The following ENAH variants were observed in gnomAD, a reference collection of about 807,000 sequenced individuals.
ENAH encodes ENAH actin regulator, also known as protein enabled homolog.
Under a neutral mutation model 78.7 loss-of-function variants are expected in ENAH, and 23 were observed. The ratio of observed to expected loss-of-function variants is 0.29; its 90% CI spans 0.21 to 0.41. ENAH has a LOEUF of 0.41. Among genes scored for constraint, ENAH ranks in the 10% least tolerant of loss-of-function variants. ENAH has a pLI of 1.00. For missense variants in ENAH, 544 were observed against 691.0 expected (o/e 0.79, Z 2.39); for synonymous variants, 226 against 241.0 (o/e 0.94, Z 0.58).
At chr1:225,513,444 G>A (rs2096391971) in intron 7 of ENAH, among the ~76,000 whole-genome samples, 1 of 150,050 alleles carries the variant, frequency 6.7e-6, no homozygotes, top group South Asian at 2.3e-4. Flanking sequence ...ATATCAAAGA[G>A]ACATTATAAC....
At chr1:225,535,651 G>A in intron 3 of ENAH, 1 of 638,414 alleles carries the variant, frequency 1.6e-6, no homozygotes, top group South Asian at 1.6e-5. Flanking sequence ...GCTTTGAAAT[G>A]TTCAAAATGT....
chr1:225,623,556 T>C (rs921034083), intron 1 of ENAH, among the ~76,000 whole-genome samples: 22 of 151,480 alleles, frequency 1.5e-4, no homozygotes, highest in East Asian at 7.7e-4. Flanking sequence ...GTTGTGAACA[T>C]AGTACCCGAC....
At chr1:225,556,259 TG>T (rs1270329242) in intron 2 of ENAH, among the ~76,000 whole-genome samples, 1 of 152,264 alleles carries the variant, frequency 6.6e-6, no homozygotes, top group African/African-American at 2.4e-5. Flanking sequence ...GACATGTGTA[TG>T]TTCAGCTCTA....
At chr1:225,648,026 T>C (rs765746925) in intron 1 of ENAH, among the ~76,000 whole-genome samples, 6 of 151,910 alleles carry the variant, frequency 3.9e-5, no homozygotes, top group Non-Finnish European at 7.4e-5. Flanking sequence ...TGGGGGAGCA[T>C]GTTAGGGGCA....
intron 1 of ENAH, among the ~76,000 whole-genome samples, chr1:225,611,938 C>G (rs533008217): frequency 6.6e-6 from 1 of 152,216 alleles, no homozygotes; most frequent in South Asian, 2.1e-4. Flanking sequence ...ATAATGTATT[C>G]GTGAGGATAT....
At chr1:225,609,876 G>A (rs1015982842) in intron 1 of ENAH, among the ~76,000 whole-genome samples, 1 of 151,750 alleles carries the variant, frequency 6.6e-6, no homozygotes, top group Non-Finnish European at 1.5e-5. Context: ...TGTTGGCCAG[G>A]CTGGTCTGAA....
chr1:225,492,083 AT>A lies in ENAH; in HGVS notation c.*5691del, dbSNP rs34850812. 0.79 allele frequency: 110,095 copies of A among 139,986 alleles called. 43,104 individuals are homozygous for A. The highest frequency in any genetic ancestry group is 0.89 in the Middle Eastern group (244 of 274). 8.7% of individuals were successfully genotyped at this position (139,986 alleles called of 1,614,324 possible). ...CTATGAAAAGCTATATTCTCTTAGA[AT>A]TTTTTTTTTTTTTTTTTAGAGACAG... is the stretch of plus-strand genomic sequence containing the variant. On this transcript the variant is annotated 3_prime_UTR_variant, in exon 14 of 14. Transcript: ENST00000366843.
chr1:225,569,587 TTAAGTA>T (rs1360814994), intron 1 of ENAH, among the ~76,000 whole-genome samples: 1 of 152,218 alleles, frequency 6.6e-6, no homozygotes, highest in Admixed American at 6.5e-5. Context: ...TTTTTTTCTT[TTAAGTA>T]TAAGAAATCT....
intron 1 of ENAH, among the ~76,000 whole-genome samples, chr1:225,599,066 G>T (rs2096916987): frequency 6.6e-6 from 1 of 152,138 alleles, no homozygotes; most frequent in Non-Finnish European, 1.5e-5. Flanking sequence ...GGACTGAAAA[G>T]AACACATCAC....
At chr1:225,539,009 C>T (rs531553855) in intron 3 of ENAH, among the ~76,000 whole-genome samples, 1 of 152,310 alleles carries the variant, frequency 6.6e-6, no homozygotes, top group Non-Finnish European at 1.5e-5. Flanking sequence ...TTACTAAGGG[C>T]ATTATTGAGT....
intron 3 of ENAH, among the ~76,000 whole-genome samples, chr1:225,535,306 A>G (rs1390072631): frequency 6.6e-6 from 1 of 152,164 alleles, no homozygotes; most frequent in Non-Finnish European, 1.5e-5. Flanking sequence ...AACTAATTCT[A>G]ATGCTCGCTA....
At chr1:225,568,391 A>C (rs1295672672) in intron 1 of ENAH, among the ~76,000 whole-genome samples, 1 of 152,158 alleles carries the variant, frequency 6.6e-6, no homozygotes, top group Non-Finnish European at 1.5e-5. Context: ...TATAAAGATA[A>C]TCTCAATTTC....
Position 225,494,235 on chromosome 1 carries a change from TG to T in ENAH, c.*3539del, listed in dbSNP as rs2096238849. ...AGAAAAAATACAAGGATTGTATTTTTGTATTTCTAATGAAGACATCAGAATT... is the reference window on the plus strand; with the variant it reads ...AGAAAAAATACAAGGATTGTATTTTTTATTTCTAATGAAGACATCAGAATT... On this transcript the variant is annotated 3_prime_UTR_variant, in exon 14 of 14. Transcript: ENST00000366843. The T allele has an allele frequency of 6.6e-6, 1 of 152,036 alleles. No homozygotes were observed. The highest frequency in any genetic ancestry group is 2.1e-4 in the South Asian group (1 of 4,828). The allele number at this position is 152,036 out of a possible 1,614,324, so 9.4% of individuals were successfully genotyped here. A position where few individuals can be genotyped will look rare whatever the true frequency, so the allele number is the denominator to read the frequency against.
chr1:225,503,664 A>AAAAC (rs2096300490), intron 11 of ENAH, among the ~76,000 whole-genome samples: 1 of 149,606 alleles, frequency 6.7e-6, no homozygotes, highest in Non-Finnish European at 1.5e-5. Flanking sequence ...ACCTCAAAAA[A>AAAAC]AAAAAAAAAA....
chr1:225,489,801 T>G lies in ENAH; in HGVS notation c.*7974A>C, dbSNP rs1430110797. ...CTGTCTCTACTAAAAATACAAAAAT[T>G]AGCCGGGTGTGGTGGCGCATGCCTG... On this transcript the variant is annotated 3_prime_UTR_variant, in exon 14 of 14. Transcript: ENST00000366843. 2 of 151,722 alleles carry G rather than the reference T, an allele frequency of 1.3e-5. No individual in the cohort carries two copies. The highest frequency in any genetic ancestry group is 2.1e-4 in the South Asian group (1 of 4,820). 9.4% of individuals were successfully genotyped at this position (151,722 alleles called of 1,614,324 possible). A position where few individuals can be genotyped will look rare whatever the true frequency, so the allele number is the denominator to read the frequency against.
At chr1:225,627,334 C>T (rs777652481) in intron 1 of ENAH, among the ~76,000 whole-genome samples, 4 of 151,852 alleles carry the variant, frequency 2.6e-5, no homozygotes, top group Non-Finnish European at 4.4e-5. Flanking sequence ...GGAGCAAGAG[C>T]CAGGTAAAAA....
intron 7 of ENAH, among the ~76,000 whole-genome samples, chr1:225,514,333 G>A (rs1172459525): frequency 6.6e-6 from 1 of 151,820 alleles, no homozygotes; most frequent in African/African-American, 2.4e-5. Context: ...ATCTGGCTAA[G>A]TTTTGTATTT....
At chr1:225,518,950 T>C (rs1046433483) in intron 5 of ENAH, 3 of 573,224 alleles carry the variant, frequency 5.2e-6, no homozygotes, top group Non-Finnish European at 8.7e-6. Flanking sequence ...TATAGGGTGT[T>C]AGAAGAATTA....
At chr1:225,653,739 G>A (rs1663485506), upstream of ENAH, among the ~76,000 whole-genome samples, 1 of 152,236 alleles carries the variant, frequency 6.6e-6, no homozygotes, top group Admixed American at 6.5e-5. The surrounding 1 kb of genome is among the most constrained non-coding windows in gnomAD (Gnocchi z 4.3). Flanking sequence ...GGGGATGAGG[G>A]AATCGGGGGG....
Sources: allele counts gnomAD v4.1 joint callset (sites outside exome capture counted in the v4.1 genomes callset), GRCh38; gene constraint gnomAD v4.1.1; non-coding constraint Gnocchi (gnomAD v3.1); transcripts MANE v1.5; gene names NCBI Gene and HGNC (gene_info 2026-07-23, HGNC 2026-07-21).